The following LOXL2 variants were observed in gnomAD, a reference collection of about 807,000 sequenced individuals.
The protein encoded by LOXL2 is lysyl oxidase like 2.
LOXL2 carries 70 observed loss-of-function variants against 93.0 expected under a neutral mutation model. That is an observed-to-expected ratio of 0.75 (90% CI 0.62 to 0.92). The LOEUF is 0.92. Ranked by LOEUF, LOXL2 falls within the 40% of genes least tolerant of loss-of-function variation. The probability of loss-of-function intolerance (pLI) is 0.00; values close to 1 mark genes in which losing one functional copy is unlikely to be tolerated. For synonymous variants in LOXL2, 438 were observed against 413.2 expected, an observed-to-expected ratio of 1.06 and a Z score of -0.73; for missense variants, 973 against 1,054.9, an observed-to-expected ratio of 0.92 and a Z score of 1.08.
At chr8:23,322,308 A>G (rs1803510241) in intron 6 of LOXL2, 27 bp from the exon 7 acceptor site, 18 of 1,602,120 alleles carry the variant, frequency 1.1e-5, no homozygotes, top group Non-Finnish European at 1.5e-5. Context: ...AACATGCTCT[A>G]TGAAAGCTTT....
rs575141248 is a variant in LOXL2, at chr8:23,298,961, G to A, written c.2134-14C>T. On this transcript the variant is annotated splice_polypyrimidine_tract_variant and intron_variant, in intron 12 of 13. Coordinates refer to ENST00000389131, the MANE Select transcript of LOXL2 (RefSeq NM_002318.3). ...GTTAATAACAACCTAGGGAGAAGCA[G>A]GGCAGAGGAGGCTGCTTGTTCCCTC... 8 of 1,489,062 alleles carry A rather than the reference G, an allele frequency of 5.4e-6. No homozygotes were observed. In the Admixed American group the frequency reaches 8.4e-5, roughly 16 times the overall value. The allele number at this position is 1,489,062 out of a possible 1,614,324, so 92.2% of individuals were successfully genotyped here.
Position 23,319,980 on chromosome 8 carries a change from C to A in LOXL2, c.1375G>T (p.Val459Leu), listed in dbSNP as rs150765623. Residue 459 changes from valine (V) to leucine (L), a missense_variant, in exon 8 of 14, where the codon GTG (valine) becomes TTG (leucine). Transcript: ENST00000389131. Reference sequence around the variant, plus strand: ...TTTTGGCCACACACCATCCCCCACACAAGGGACCCGTTTCTCTCCACCAGC... The same window carrying A: ...TTTTGGCCACACACCATCCCCCACAAAAGGGACCCGTTTCTCTCCACCAGC... ...EVLVERNGSLVWGMVCGQNWG... is the reference protein window; with the variant it reads ...EVLVERNGSLLWGMVCGQNWG... The A allele has an allele frequency of 4.2e-5, 67 of 1,613,970 alleles. No individual in the cohort carries two copies. Among genetic ancestry groups the A allele is most frequent in the Non-Finnish European group, 5.3e-5 (62 of 1,179,974 alleles).
chr8:23,368,918 G>A (rs1304862063), intron 1 of LOXL2, among the ~76,000 whole-genome samples: 3 of 152,124 alleles, frequency 2.0e-5, no homozygotes, highest in Non-Finnish European at 4.4e-5. Context: ...GGGGACATGG[G>A]AGGGAGAATA....
chr8:23,365,266 T>C (rs1318970252), intron 2 of LOXL2: 1 of 152,332 alleles, frequency 6.6e-6, no homozygotes, highest in Non-Finnish European at 1.5e-5. Context: ...GAGCAAGCCC[T>C]GGGCGCTGGC....
chr8:23,303,914 T>C lies in LOXL2; in HGVS notation c.1881-517A>G, dbSNP rs570875677. Reference sequence around the variant, plus strand: ...CAGAAAGAACAGGAATAGTAAGGAATAGAACATGTGCCCTGCACAGGACAC... The same window carrying C: ...CAGAAAGAACAGGAATAGTAAGGAACAGAACATGTGCCCTGCACAGGACAC... On this transcript the variant is annotated intron_variant, in intron 10 of 13. Coordinates refer to ENST00000389131, the MANE Select transcript of LOXL2 (RefSeq NM_002318.3). Among the ~76,000 whole-genome samples the C allele has an allele frequency of 5.9e-5, 9 of 152,294 alleles. No homozygotes were observed. In the South Asian group the frequency reaches 1.9e-3, roughly 32 times the overall value.
At chr8:23,313,713 T>G (rs1335471781) in intron 9 of LOXL2, among the ~76,000 whole-genome samples, 3 of 149,596 alleles carry the variant, frequency 2.0e-5, no homozygotes, top group East Asian at 2.0e-4. Flanking sequence ...AACCTAGGCA[T>G]TACCATTCAG....
At chr8:23,306,702 C>G (rs893318507) in intron 10 of LOXL2, among the ~76,000 whole-genome samples, 1 of 152,278 alleles carries the variant, frequency 6.6e-6, no homozygotes, top group African/African-American at 2.4e-5. Flanking sequence ...GGAGCCCACA[C>G]GCCCTGCTTC....
rs1316129613 is a variant in LOXL2 at position 23,341,131 on chromosome 8, T to C, written c.604A>G (p.Met202Val). 1.9e-6 allele frequency: 3 copies of C among 1,613,922 alleles called. No homozygotes were observed. The highest frequency in any genetic ancestry group is 2.5e-6 in the Non-Finnish European group (3 of 1,179,994). The change falls in exon 4 of 14, where the codon ATG (methionine) becomes GTG (valine). Residue 202 changes from methionine (M) to valine (V), a missense_variant. Physicochemically the swap from Met to Val is conservative, Grantham distance 21. Coordinates refer to ENST00000389131, the MANE Select transcript of LOXL2 (RefSeq NM_002318.3). ...TCCTTCACCTCCACGTAGCCCTCCATCACTGGGGTGCGCTTGCGGTAGGTT... is the reference window on the plus strand; with the variant it reads ...TCCTTCACCTCCACGTAGCCCTCCACCACTGGGGTGCGCTTGCGGTAGGTT... ...LSTYRKRTPV[M>V]EGYVEVKEGK...
intron 3 of LOXL2, among the ~76,000 whole-genome samples, chr8:23,358,796 A>G (rs1804239693): frequency 6.6e-6 from 1 of 151,980 alleles, no homozygotes; most frequent in South Asian, 2.1e-4. Context: ...CTAGTCCCAT[A>G]GCAGGATATT....
chr8:23,320,900 C>T (rs1423695064), intron 7 of LOXL2, among the ~76,000 whole-genome samples: 2 of 151,720 alleles, frequency 1.3e-5, no homozygotes, highest in Admixed American at 1.3e-4. Context: ...AGAGCAAGAC[C>T]GTCTCAAAAA....
At chr8:23,370,358 C>T (rs572688710) in intron 1 of LOXL2, among the ~76,000 whole-genome samples, 1 of 152,266 alleles carries the variant, frequency 6.6e-6, no homozygotes, top group African/African-American at 2.4e-5. Flanking sequence ...TTTGACATCA[C>T]ATTTTGCTGG....
intron 12 of LOXL2, 49 bp from the exon 13 acceptor site, chr8:23,298,996 C>T (rs762368941): frequency 2.1e-5 from 24 of 1,118,498 alleles, no homozygotes; most frequent in Non-Finnish European, 2.9e-5. Context: ...CTGCGGCCAC[C>T]TCCACCCAGG....
At chr8:23,375,913 A>G (rs1284297216) in intron 1 of LOXL2, among the ~76,000 whole-genome samples, 2 of 152,132 alleles carry the variant, frequency 1.3e-5, no homozygotes. Flanking sequence ...CTTTTTTCCT[A>G]ATTGAATACC....
At chr8:23,328,731 G>GTGTGTGTT in intron 5 of LOXL2, 166 bp from the exon 6 acceptor site, 1 of 631,518 alleles carries the variant, frequency 1.6e-6, no homozygotes, top group Non-Finnish European at 2.8e-6. Context: ...GTGTGTGTGT[G>GTGTGTGTT]TGTGTGTGTG....
chr8:23,389,129 C>A (rs976453136), intron 1 of LOXL2, among the ~76,000 whole-genome samples: 3 of 152,120 alleles, frequency 2.0e-5, no homozygotes, highest in Admixed American at 6.5e-5. Flanking sequence ...CTTCATGAAG[C>A]CTCACTTAAT....
chr8:23,307,953 G>GGAAAAAA lies in LOXL2; in HGVS notation c.1880+1714_1880+1715insTTTTTTC, dbSNP rs58347035. Among the ~76,000 whole-genome samples, 287 of 83,552 alleles carry GGAAAAAA rather than the reference G, an allele frequency of 3.4e-3. 75 individuals carry two copies. Among genetic ancestry groups the GGAAAAAA allele is most frequent in the African/African-American group, 7.3e-3 (155 of 21,110 alleles). 54.8% of individuals were successfully genotyped at this position (83,552 alleles called of 152,430 possible). A position where few individuals can be genotyped will look rare whatever the true frequency, so the allele number is the denominator to read the frequency against. ...GTGACTAGGTCATCAGCTGCGATATGAAAAAAAAAAAAAAAAAAAAGCCAA... is the reference window on the plus strand; with the variant it reads ...GTGACTAGGTCATCAGCTGCGATATGGAAAAAAAAAAAAAAAAAAAAAAAAAAGCCAA... On this transcript the variant is annotated intron_variant, in intron 10 of 13. Coordinates refer to ENST00000389131, the MANE Select transcript of LOXL2 (RefSeq NM_002318.3).
intron 4 of LOXL2, among the ~76,000 whole-genome samples, chr8:23,338,159 A>G (rs1271889740): frequency 2.6e-5 from 4 of 152,298 alleles, no homozygotes; most frequent in East Asian, 3.9e-4. Context: ...CTTATTCACT[A>G]TCATGAGAAC....
chr8:23,325,144 G>A (rs762981421), intron 6 of LOXL2, among the ~76,000 whole-genome samples: 1 of 152,152 alleles, frequency 6.6e-6, no homozygotes, highest in East Asian at 1.9e-4. Flanking sequence ...ATATGCAAAT[G>A]ATCTCATTAA....
intron 1 of LOXL2, among the ~76,000 whole-genome samples, chr8:23,372,672 C>G (rs28417749): frequency 2.0e-5 from 3 of 151,914 alleles, no homozygotes; most frequent in African/African-American, 7.3e-5. Context: ...GGACAGTTTA[C>G]GATAATGAAA....
Sources: gnomAD v4.1 joint callset for allele counts (sites outside exome capture counted in the v4.1 genomes callset) on GRCh38, gnomAD v4.1.1 for gene constraint, MANE v1.5 for transcripts, NCBI Gene and HGNC (gene_info 2026-07-23, HGNC 2026-07-21) for gene names.